The following SPHK2 variants were observed in gnomAD, a reference collection of about 807,000 sequenced individuals.
SPHK2 encodes the protein sphingosine kinase 2.
A neutral mutation model predicts 32.3 loss-of-function variants in SPHK2; 18 were observed. The observed-to-expected ratio is 0.56, with a 90% confidence interval of 0.39 to 0.83. The LOEUF is 0.83. Ranked by LOEUF, SPHK2 falls within the 40% of genes least tolerant of loss-of-function variation. SPHK2 has a pLI of 0.00. For synonymous variants in SPHK2, 462 were observed against 417.6 expected, an observed-to-expected ratio of 1.11 and a Z score of -1.30; for missense variants, 850 against 908.7, an observed-to-expected ratio of 0.94 and a Z score of 0.83.
Position 48,626,375 on chromosome 19 carries a change from G to A in SPHK2, c.511+13G>A, listed in dbSNP as rs1279493366. 4 of 1,560,260 alleles carry A rather than the reference G, an allele frequency of 2.6e-6. No individual in the cohort carries two copies. The highest frequency in any genetic ancestry group is 2.3e-5 in the East Asian group (1 of 44,426). ...CCCGGGGATGGGGGTGAGGTGCTGG[G>A]CAGCTGCTCTATCCTGGAGCCACCT... On this transcript the variant is annotated intron_variant, in intron 3 of 6. Transcript: ENST00000245222.
intron 2 of SPHK2, among the ~76,000 whole-genome samples, chr19:48,622,043 C>G (rs1018341206): frequency 6.6e-6 from 1 of 151,880 alleles, no homozygotes; most frequent in Non-Finnish European, 1.5e-5. Flanking sequence ...ATCACGAGGT[C>G]AGGAGATCGA....
At position 48,628,981 on chromosome 19, in the gene SPHK2, C is replaced by T. The variant is rs1436494889; in HGVS notation, c.1173C>T (p.Ala391=). ...ATVEPASPTP[A]HSLPRAKSEL... is the part of the protein sequence containing the mutation. ...TGGAACCTGCCTCGCCCACCCCTGC[C>T]CATAGCCTGCCTCGTGCCAAGTCGG... is the stretch of plus-strand genomic sequence containing the variant. The change falls in exon 7 of 7, where the codon GCC becomes GCT. Residue 391 remains alanine (A), a synonymous_variant. Transcript: ENST00000245222. The surrounding 1 kb of genome is among the most constrained non-coding windows in gnomAD (Gnocchi z 5.2). The T allele has an allele frequency of 6.2e-7, 1 of 1,613,642 alleles. No homozygotes were observed. Among genetic ancestry groups the T allele is most frequent in the Admixed American group, 1.7e-5 (1 of 59,986 alleles).
chr19:48,620,308 G>A (rs1974352953), intron 1 of SPHK2, 94 bp from the exon 2 acceptor site: 1 of 526,424 alleles, frequency 1.9e-6, no homozygotes, highest in Non-Finnish European at 3.4e-6. Flanking sequence ...CCGCCAGGGA[G>A]GCCCCTGCCT....
Position 48,628,800 on chromosome 19 carries a change from C to T in SPHK2, c.992C>T (p.Ser331Phe). The T allele has an allele frequency of 1.2e-6, 2 of 1,613,708 alleles. No homozygotes were observed. The highest frequency in any genetic ancestry group is 2.2e-5 in the South Asian group (2 of 91,086). ...VTLASGSRCF[S>F]FLSVAWGFVS... Reference sequence around the variant, plus strand: ...CTGGCCTCGGGCTCCCGCTGTTTCTCCTTCCTGTCTGTGGCCTGGGGCTTC... The same window carrying T: ...CTGGCCTCGGGCTCCCGCTGTTTCTTCTTCCTGTCTGTGGCCTGGGGCTTC... Residue 331 changes from serine to phenylalanine, a missense_variant, in exon 7 of 7, where the codon TCC becomes TTC. Coordinates refer to ENST00000245222, the MANE Select transcript of SPHK2 (RefSeq NM_020126.5). The surrounding 1 kb of genome is among the most constrained non-coding windows in gnomAD (Gnocchi z 5.2).
chr19:48,627,343 C>T (rs1190101881), intron 3 of SPHK2, among the ~76,000 whole-genome samples: 1 of 152,118 alleles, frequency 6.6e-6, no homozygotes, highest in Non-Finnish European at 1.5e-5. Context: ...CTAGGGCTTC[C>T]CTGGAGTTCA....
At chr19:48,624,844 T>C in intron 2 of SPHK2, 1 of 917,600 alleles carries the variant, frequency 1.1e-6, no homozygotes, top group Non-Finnish European at 1.3e-6. Flanking sequence ...GGGGCAGATG[T>C]AGTTCCTAAG....
rs200257666 is a variant in SPHK2, at chr19:48,628,768, C to T, written c.960C>T (p.Ser320=). The change falls in exon 7 of 7, where the codon TCC becomes TCT. Residue 320 remains serine, a synonymous_variant. Transcript: ENST00000245222. The surrounding 1 kb of genome is among the most constrained non-coding windows in gnomAD (Gnocchi z 5.2). The stretch of plus-strand genomic sequence containing the variant: ...GTGGCCACCCACTGGACCTGCTCTC[C>T]GTGACGCTGGCCTCGGGCTCCCGCT... ...RGGGHPLDLL[S]VTLASGSRCF... The T allele has an allele frequency of 1.4e-5, 22 of 1,613,282 alleles. No individual in the cohort carries two copies. The highest frequency in any genetic ancestry group is 1.7e-5 in the Admixed American group (1 of 60,012).
intron 2 of SPHK2, chr19:48,625,098 C>T: frequency 8.0e-6 from 8 of 999,680 alleles, no homozygotes; most frequent in Non-Finnish European, 9.5e-6. Context: ...GGGACCAGCT[C>T]TTGGCCCCTG....
At position 48,626,174 on chromosome 19, in the gene SPHK2, C is replaced by T. The variant is rs751818397; in HGVS notation, c.323C>T (p.Pro108Leu). 3.1e-6 allele frequency: 5 copies of T among 1,595,964 alleles called. No homozygotes were observed. The highest frequency in any genetic ancestry group is 4.3e-6 in the Non-Finnish European group (5 of 1,172,036). Residue 108 changes from proline to leucine, a missense_variant, in exon 3 of 7, where the codon CCC becomes CTC. Coordinates refer to ENST00000245222, the MANE Select transcript of SPHK2 (RefSeq NM_020126.5). ...TGCTGCACCCTGCGAAGCCGCAGCC[C>T]CTCAGACTCAGCGGCCTACTTCTGC... ...SGCCTLRSRS[P>L]SDSAAYFCIY...
intron 2 of SPHK2, chr19:48,625,338 T>C: frequency 8.8e-7 from 1 of 1,136,066 alleles, no homozygotes; most frequent in Non-Finnish European, 1.1e-6. Context: ...TCTCTGGCTC[T>C]CAGACCCTAT....
intron 2 of SPHK2, 96 bp downstream of exon 2, chr19:48,620,649 C>T (rs986332781): frequency 9.3e-7 from 1 of 1,070,306 alleles, no homozygotes; most frequent in Admixed American, 2.6e-5. Flanking sequence ...GGAGGCCAGG[C>T]GTGGTAGCTC....
chr19:48,628,667 C>T lies in SPHK2; in HGVS notation c.873-14C>T. ...TCCTTCCTTCTGTGTGTCCGTCCAT[C>T]TCCGGCTGTGAAGATTTGAGCCAGC... On this transcript the variant is annotated splice_polypyrimidine_tract_variant and intron_variant, in intron 6 of 6. Coordinates refer to ENST00000245222, the MANE Select transcript of SPHK2 (RefSeq NM_020126.5). The surrounding 1 kb of genome is among the most constrained non-coding windows in gnomAD (Gnocchi z 5.2). 1 of 1,607,054 alleles carries T rather than the reference C, an allele frequency of 6.2e-7. No homozygotes were observed. The highest frequency in any genetic ancestry group is 8.5e-7 in the Non-Finnish European group (1 of 1,178,494).
At chr19:48,623,096 T>C (rs184904392) in intron 2 of SPHK2, 9 of 151,648 alleles carry the variant, frequency 5.9e-5, no homozygotes, top group African/African-American at 2.2e-4. Context: ...TGTAAAAAAT[T>C]AGCCGGACGT....
rs1479041829 is a variant in SPHK2, at chr19:48,629,030, G to A, written c.1222G>A (p.Ala408Thr). 1 of 1,613,078 alleles carries A rather than the reference G, an allele frequency of 6.2e-7. No homozygotes were observed. The highest frequency in any genetic ancestry group is 1.3e-5 in the African/African-American group (1 of 74,810). ...GGAGCTGACCCTAACCCCAGACCCAGCCCCGCCCATGGCCCACTCACCCCT... is the reference window on the plus strand; with the variant it reads ...GGAGCTGACCCTAACCCCAGACCCAACCCCGCCCATGGCCCACTCACCCCT... ...KSELTLTPDPAPPMAHSPLHR... is the reference protein window; with the variant it reads ...KSELTLTPDPTPPMAHSPLHR... Residue 408 changes from alanine to threonine, a missense_variant, in exon 7 of 7, where the codon GCC (alanine) becomes ACC (threonine). This residue lies in a region of SPHK2 where 544 missense variants were observed against 640.0 expected (regional missense o/e 0.85). Coordinates refer to ENST00000245222, the MANE Select transcript of SPHK2 (RefSeq NM_020126.5).
chr19:48,626,199 C>A lies in SPHK2; in HGVS notation c.348C>A (p.Cys116Ter), dbSNP rs1242481928. The A allele has an allele frequency of 1.3e-6, 2 of 1,596,024 alleles. No individual in the cohort carries two copies. The highest frequency in any genetic ancestry group is 2.2e-5 in the South Asian group (2 of 89,636). ...RSPSDSAAYF[C>*]IYTYPRGRRG... The stretch of plus-strand genomic sequence containing the variant: ...CCTCAGACTCAGCGGCCTACTTCTG[C>A]ATCTACACCTACCCTCGGGGCCGGC... Residue 116 changes from cysteine (C) to a stop codon, truncating the protein, a stop_gained, in exon 3 of 7, where the codon TGC becomes TGA. Coordinates refer to ENST00000245222, the MANE Select transcript of SPHK2 (RefSeq NM_020126.5). LOFTEE classifies it high-confidence loss of function.
At chr19:48,625,747 A>C (rs1601159578) in intron 2 of SPHK2, 144 bp from the exon 3 acceptor site, 3 of 1,535,014 alleles carry the variant, frequency 2.0e-6, no homozygotes, top group Non-Finnish European at 2.6e-6. Flanking sequence ...GTCTGCCCAC[A>C]CCTGTCTGAG....
chr19:48,628,432 T>C lies in SPHK2; in HGVS notation c.872+155T>C. 1.1e-6 allele frequency: 1 copy of C among 920,920 alleles called. No homozygotes were observed. The highest frequency in any genetic ancestry group is 1.8e-6 in the Non-Finnish European group (1 of 561,254). 57.0% of individuals were successfully genotyped at this position (920,920 alleles called of 1,614,324 possible). A position where few individuals can be genotyped will look rare whatever the true frequency, so the allele number is the denominator to read the frequency against. On this transcript the variant is annotated intron_variant, in intron 6 of 6. Coordinates refer to ENST00000245222, the MANE Select transcript of SPHK2 (RefSeq NM_020126.5). The surrounding 1 kb of genome is among the most constrained non-coding windows in gnomAD (Gnocchi z 5.2). ...CTCCTGGACATTTTTGCCTGCCTGC[T>C]TCCCAGCTGTATCCCGAGCGCCCAG...
intron 2 of SPHK2, chr19:48,625,279 C>A: frequency 1.8e-6 from 2 of 1,105,818 alleles, no homozygotes; most frequent in Non-Finnish European, 2.2e-6. Context: ...AAGTATCTTT[C>A]ATCGCCTGAG....
At chr19:48,620,937 A>C in intron 2 of SPHK2, 1 of 175,710 alleles carries the variant, frequency 5.7e-6, no homozygotes, top group Non-Finnish European at 1.2e-5. Context: ...AAAAAAGAAA[A>C]AACAGGGTCT....
Sources: gnomAD v4.1 joint callset for allele counts (sites outside exome capture counted in the v4.1 genomes callset) on GRCh38, gnomAD v4.1.1 for gene constraint, gnomAD v4.1.1 regional missense constraint, Gnocchi (gnomAD v3.1) non-coding constraint, MANE v1.5 for transcripts, NCBI Gene and HGNC (gene_info 2026-07-23, HGNC 2026-07-21) for gene names.